The following MDN1 variants were observed in gnomAD, a reference collection of about 807,000 sequenced individuals.
MDN1 encodes the protein midasin AAA ATPase 1.
Under a neutral mutation model 669.2 loss-of-function variants are expected in MDN1, and 266 were observed. The ratio of observed to expected loss-of-function variants is 0.40; its 90% CI spans 0.36 to 0.44. The LOEUF (loss-of-function observed/expected upper bound fraction) is 0.44. Among genes scored for constraint, MDN1 ranks in the 20% least tolerant of loss-of-function variants. The probability of loss-of-function intolerance (pLI) is 1.00; values close to 1 mark genes in which losing one functional copy is unlikely to be tolerated. For missense variants in MDN1, 5,940 were observed against 6,754.0 expected (o/e 0.88, Z 4.22); for synonymous variants, 2,385 against 2,457.1 (o/e 0.97, Z 0.87).
intron 90 of MDN1, among the ~76,000 whole-genome samples, chr6:89,657,140 C>A (rs1809372094): frequency 6.6e-6 from 1 of 152,178 alleles, no homozygotes; most frequent in South Asian, 2.1e-4. Flanking sequence ...TTGAGGTTGT[C>A]ATTTAACTTT....
chr6:89,719,243 T>C lies in MDN1; in HGVS notation c.5968-18A>G. The C allele has an allele frequency of 6.2e-7, 1 of 1,602,494 alleles. No homozygotes were observed. Among genetic ancestry groups the C allele is most frequent in the Non-Finnish European group, 8.5e-7 (1 of 1,169,766 alleles). On this transcript the variant is annotated intron_variant, in intron 40 of 101. Transcript: ENST00000369393. ...GCAATGACCTAAAGGAAGAAGATAATGCAATGAAAACACAAATCACTCCAC... is the reference window on the plus strand; with the variant it reads ...GCAATGACCTAAAGGAAGAAGATAACGCAATGAAAACACAAATCACTCCAC...
intron 9 of MDN1, among the ~76,000 whole-genome samples, chr6:89,783,341 G>C (rs574441521): frequency 6.6e-6 from 1 of 152,092 alleles, no homozygotes; most frequent in Non-Finnish European, 1.5e-5. Context: ...GATAAGGACC[G>C]AGATACACCC....
Position 89,790,551 on chromosome 6 carries a change from C to T in MDN1, c.856-150G>A, listed in dbSNP as rs921586362. Reference sequence around the variant, plus strand: ...ACTATAATAACAACAGGTATGTCATCTAAAGATCTCATGGGCATTGTGGCC... The same window carrying T: ...ACTATAATAACAACAGGTATGTCATTTAAAGATCTCATGGGCATTGTGGCC... On this transcript the variant is annotated intron_variant, in intron 5 of 101. Transcript: ENST00000369393. The T allele has an allele frequency of 7.3e-5, 71 of 968,278 alleles. No individual in the cohort carries two copies. In the Admixed American group the frequency reaches 1.7e-3, roughly 23 times the overall value. 60.0% of individuals were successfully genotyped at this position (968,278 alleles called of 1,614,324 possible).
chr6:89,758,702 C>T, intron 18 of MDN1, 114 bp downstream of exon 18: 1 of 1,154,558 alleles, frequency 8.7e-7, no homozygotes, highest in Non-Finnish European at 1.2e-6. Flanking sequence ...AAAGAATGAA[C>T]AAATTCCATT....
chr6:89,738,178 C>T, intron 33 of MDN1, 148 bp downstream of exon 33: 1 of 850,262 alleles, frequency 1.2e-6, no homozygotes, highest in Non-Finnish European at 1.7e-6. Context: ...TAATATTCTC[C>T]TTGTCTACTT....
At chr6:89,661,364 A>G in intron 88 of MDN1, 67 bp downstream of exon 88, 1 of 1,539,120 alleles carries the variant, frequency 6.5e-7, no homozygotes, top group Non-Finnish European at 8.8e-7. Flanking sequence ...CTAGCTTTCA[A>G]AAGAGAAATC....
At chr6:89,705,797 T>C (rs1420703309) in intron 53 of MDN1, among the ~76,000 whole-genome samples, 1 of 152,204 alleles carries the variant, frequency 6.6e-6, no homozygotes, top group East Asian at 1.9e-4. Context: ...ATATGTTCAT[T>C]ATCTTGACTG....
intron 33 of MDN1, among the ~76,000 whole-genome samples, chr6:89,736,645 T>C (rs989064425): frequency 2.0e-5 from 3 of 151,754 alleles, no homozygotes; most frequent in Non-Finnish European, 4.4e-5. Context: ...AACACAAAAA[T>C]TAGCCTGGCG....
At chr6:89,678,568 C>A in intron 75 of MDN1, 31 bp downstream of exon 75, 1 of 1,607,944 alleles carries the variant, frequency 6.2e-7, no homozygotes. Flanking sequence ...TTGGTGACTA[C>A]ATTTCATTGG....
intron 11 of MDN1, among the ~76,000 whole-genome samples, 188 bp downstream of exon 11, chr6:89,780,024 C>T (rs1818579163): frequency 6.6e-6 from 1 of 151,802 alleles, no homozygotes; most frequent in African/African-American, 2.4e-5. Context: ...TGAGATCACG[C>T]CACTGCACTC....
At position 89,699,045 on chromosome 6, in the gene MDN1, A is replaced by T; in HGVS notation, c.8998-10T>A. ...TTTCTTCAGGAGACACCTAGAAATA[A>T]AGGAATAATTAGGTAAGAGAATACC... On this transcript the variant is annotated splice_polypyrimidine_tract_variant and intron_variant, in intron 58 of 101. Coordinates refer to ENST00000369393, the MANE Select transcript of MDN1 (RefSeq NM_014611.3). 1 of 1,603,446 alleles carries T rather than the reference A, an allele frequency of 6.2e-7. No individual in the cohort carries two copies.
At position 89,779,351 on chromosome 6, in the gene MDN1, T is replaced by C. The variant is rs74606592; in HGVS notation, c.1725+861A>G. Among the ~76,000 whole-genome samples, 390 of 152,314 alleles carry C rather than the reference T, an allele frequency of 2.6e-3. 1 individual carries two copies. The highest frequency in any genetic ancestry group is 0.01 in the Middle Eastern group (3 of 294). ...ACCGCTATGATTTGGTCTTCTGTAATAATATCCACTAGAATGGTTAAGTCC... is the reference window on the plus strand; with the variant it reads ...ACCGCTATGATTTGGTCTTCTGTAACAATATCCACTAGAATGGTTAAGTCC... On this transcript the variant is annotated intron_variant, in intron 11 of 101. Transcript: ENST00000369393.
At chr6:89,772,049 A>G (rs948707222) in intron 14 of MDN1, among the ~76,000 whole-genome samples, 1 of 152,182 alleles carries the variant, frequency 6.6e-6, no homozygotes, top group Admixed American at 6.5e-5. Flanking sequence ...GAATCATGAG[A>G]GCCCAGAAGT....
At chr6:89,750,760 G>T (rs946687046) in intron 23 of MDN1, among the ~76,000 whole-genome samples, 10 of 152,026 alleles carry the variant, frequency 6.6e-5, no homozygotes, top group Non-Finnish European at 1.5e-4. Context: ...GCACCACCAA[G>T]CCCAGCTAAA....
chr6:89,755,167 A>G (rs577296327), intron 20 of MDN1, among the ~76,000 whole-genome samples: 7 of 152,128 alleles, frequency 4.6e-5, no homozygotes, highest in South Asian at 2.1e-4. Context: ...TTGGCTACCA[A>G]AAAGTATTCC....
chr6:89,670,170 A>ACATATATTTTTTTTTTT (rs1810621069), intron 83 of MDN1, among the ~76,000 whole-genome samples: 1 of 23,412 alleles, frequency 4.3e-5, no homozygotes, highest in African/African-American at 2.6e-4. Context: ...ATATATATAT[A>ACATATATTTTTTTTTTT]TTTTTTTTTT....
intron 63 of MDN1, among the ~76,000 whole-genome samples, chr6:89,692,017 A>G (rs1562096992): frequency 6.6e-6 from 1 of 152,352 alleles, no homozygotes; most frequent in East Asian, 1.9e-4. Context: ...GGAATGGGAT[A>G]CCTGGTATGT....
intron 20 of MDN1, among the ~76,000 whole-genome samples, chr6:89,754,921 C>T (rs1176340416): frequency 6.6e-6 from 1 of 152,110 alleles, no homozygotes; most frequent in Non-Finnish European, 1.5e-5. Flanking sequence ...CAAAAATACA[C>T]AAATATTTTC....
At chr6:89,677,491 T>A (rs1811274968) in intron 76 of MDN1, 79 bp downstream of exon 76, 1 of 1,556,706 alleles carries the variant, frequency 6.4e-7, no homozygotes, top group South Asian at 1.2e-5. Flanking sequence ...ATTTTTGCAA[T>A]GTGCAAATGA....
Sources: allele counts gnomAD v4.1 joint callset (sites outside exome capture counted in the v4.1 genomes callset), GRCh38; gene constraint gnomAD v4.1.1; transcripts MANE v1.5; gene names NCBI Gene and HGNC (gene_info 2026-07-23, HGNC 2026-07-21).